Variants in UNC79 observed in about 807,000 individuals in gnomAD.
UNC79 encodes the protein unc-79 subunit of NALCN channel complex, also known as protein unc-79 homolog.
In UNC79, 37 loss-of-function variants were observed where a neutral mutation model predicts 283.1. The ratio of observed to expected loss-of-function variants is 0.13; its 90% CI spans 0.10 to 0.17. The LOEUF (loss-of-function observed/expected upper bound fraction) is 0.17, where lower values mean the gene tolerates loss of function less well. Ranked by LOEUF, UNC79 falls within the 10% of genes least tolerant of loss-of-function variation. The probability of loss-of-function intolerance (pLI) is 1.00; values close to 1 mark genes in which losing one functional copy is unlikely to be tolerated. For missense variants in UNC79, 2,272 were observed against 3,211.1 expected (o/e 0.71, Z 7.07); for synonymous variants, 1,107 against 1,200.2 (o/e 0.92, Z 1.61).
chr14:93,600,696 T>C, exon 25 of UNC79: 1 of 1,613,996 alleles, frequency 6.2e-7, no homozygotes, highest in Non-Finnish European at 8.5e-7. Flanking sequence ...GAGTTCTTTG[T>C]CAATAGATTT....
Position 93,690,524 on chromosome 14 carries a change from A to C in UNC79, c.7272+221A>C. 1 of 473,638 alleles carries C rather than the reference A, an allele frequency of 2.1e-6. No individual in the cohort carries two copies. The highest frequency in any genetic ancestry group is 3.6e-6 in the Non-Finnish European group (1 of 278,498). 29.3% of individuals were successfully genotyped at this position (473,638 alleles called of 1,614,324 possible). ...ATTGTTTTTCGGCTTACTTTTATAAAGATAAATCATGGAGTCAAGCAAGAG... is the reference window on the plus strand; with the variant it reads ...ATTGTTTTTCGGCTTACTTTTATAACGATAAATCATGGAGTCAAGCAAGAG... On this transcript the variant is annotated intron_variant, in intron 45 of 48. Coordinates refer to ENST00000555664, the Ensembl canonical transcript of UNC79. The surrounding 1 kb of genome is among the most constrained non-coding windows in gnomAD (Gnocchi z 4.3).
chr14:93,401,198 C>T lies in UNC79; in HGVS notation c.-350-66473C>T, dbSNP rs535366272. ...TAATCTTCAACATGTAAATTGTTGT[C>T]GAAGCACAGGAGTAGATAAAATTTC... On this transcript the variant is annotated intron_variant, in intron 1 of 49. Transcript: ENST00000256339. Among the ~76,000 whole-genome samples the T allele has an allele frequency of 5.4e-3, 819 of 151,946 alleles. 5 individuals carry two copies. The highest frequency in any genetic ancestry group is 0.017 in the African/African-American group (703 of 41,412).
At chr14:93,426,966 C>G, upstream of UNC79, among the ~76,000 whole-genome samples, 1 of 152,010 alleles carries the variant, frequency 6.6e-6, no homozygotes, top group East Asian at 1.9e-4. Flanking sequence ...TGTGGAGACT[C>G]TGTATTCTGT....
chr14:93,370,771 CAAAAAG>C (rs200737430), intron 1 of UNC79, among the ~76,000 whole-genome samples: 1,977 of 151,336 alleles, frequency 0.013, 56 homozygotes, highest in African/African-American at 0.046. Context: ...GACCCTGTCT[CAAAAAG>C]AAAAAGAAAA....
intron 11 of UNC79, among the ~76,000 whole-genome samples, chr14:93,537,317 G>A (rs1488732463): frequency 1.3e-5 from 2 of 152,166 alleles, no homozygotes; most frequent in Non-Finnish European, 2.9e-5. Context: ...CTTCATTTGC[G>A]GTTCCCTTCC....
intron 20 of UNC79, among the ~76,000 whole-genome samples, chr14:93,582,737 G>A (rs1465045948): frequency 1.3e-5 from 2 of 152,294 alleles, no homozygotes; most frequent in East Asian, 3.9e-4. Context: ...TGAGCTCGAA[G>A]GCTACTTTGC....
chr14:93,540,801 G>A, exon 13 of UNC79: 1 of 1,613,288 alleles, frequency 6.2e-7, no homozygotes, highest in South Asian at 1.1e-5. Flanking sequence ...ACGATCAGAG[G>A]CTGCTCAGTC....
chr14:93,561,508 A>C (rs60283171), intron 14 of UNC79, among the ~76,000 whole-genome samples: 10,898 of 152,134 alleles, frequency 0.072, 449 homozygotes, highest in Middle Eastern at 0.16. Context: ...AGACGGGGGC[A>C]GCTGTGTAGG....
At chr14:93,369,668 G>A (rs2054403690) in intron 1 of UNC79, among the ~76,000 whole-genome samples, 1 of 152,156 alleles carries the variant, frequency 6.6e-6, no homozygotes, top group Non-Finnish European at 1.5e-5. Flanking sequence ...CCTTCCTTTT[G>A]TGAGTTTTAC....
At chr14:93,387,009 C>G (rs2054791983) in intron 1 of UNC79, among the ~76,000 whole-genome samples, 1 of 117,466 alleles carries the variant, frequency 8.5e-6, no homozygotes, top group African/African-American at 3.3e-5. Flanking sequence ...ATGGCATGAT[C>G]TTGGTTCACT....
At chr14:93,599,955 A>T (rs1294875643) in intron 24 of UNC79, among the ~76,000 whole-genome samples, 1 of 151,838 alleles carries the variant, frequency 6.6e-6, no homozygotes, top group Non-Finnish European at 1.5e-5. Context: ...TAATCCCAGC[A>T]CTTTGGGAGG....
intron 35 of UNC79, among the ~76,000 whole-genome samples, chr14:93,653,312 T>C (rs1449031790): frequency 7.9e-6 from 1 of 126,730 alleles, no homozygotes; most frequent in Non-Finnish European, 1.7e-5. Flanking sequence ...AATGAACATC[T>C]CTCTCACTGC....
chr14:93,424,399 G>T (rs4905066), intron 1 of UNC79, among the ~76,000 whole-genome samples: 106,994 of 152,046 alleles, frequency 0.7, 38,109 homozygotes, highest in Middle Eastern at 0.78. Context: ...ATTGAAGAGA[G>T]ATCTGCACTC....
intron 14 of UNC79, among the ~76,000 whole-genome samples, chr14:93,560,520 G>T (rs1567114713): frequency 1.3e-5 from 2 of 152,126 alleles, no homozygotes; most frequent in Non-Finnish European, 2.9e-5. Flanking sequence ...AGGTTGAAAT[G>T]CCTGCCATTC....
intron 8 of UNC79, among the ~76,000 whole-genome samples, chr14:93,525,341 C>T (rs541408009): frequency 9.9e-5 from 15 of 151,980 alleles, no homozygotes; most frequent in African/African-American, 1.7e-4. Flanking sequence ...CCCAGCTACT[C>T]GGGAGGCTGA....
intron 45 of UNC79, chr14:93,691,314 A>C (rs2074682681): frequency 5.1e-6 from 1 of 195,102 alleles, no homozygotes; most frequent in Non-Finnish European, 1.1e-5. Context: ...TGCTGCTATG[A>C]TTATGAACTT....
chr14:93,492,774 G>T (rs969545257), intron 5 of UNC79, among the ~76,000 whole-genome samples: 6 of 152,212 alleles, frequency 3.9e-5, no homozygotes, highest in Non-Finnish European at 7.3e-5. Flanking sequence ...TCATATAGCA[G>T]ACCTGTGGAG....
rs117604019 is a variant in UNC79, at chr14:93,408,909, G to T, written c.-350-58762G>T. 2.1e-3 allele frequency among the ~76,000 whole-genome samples: 315 copies of T among 152,204 alleles called. 5 individuals are homozygous for T. In the East Asian group the frequency reaches 0.022, roughly 11 times the overall value. On this transcript the variant is annotated intron_variant, in intron 1 of 49. Coordinates refer to the UNC79 transcript ENST00000256339. ...AAAACTTTATCACTAAAAACTCTTA[G>T]CTAAATATGATAGAAGGAAACTTCC... is the stretch of plus-strand genomic sequence containing the variant.
Position 93,636,636 on chromosome 14 carries a change from G to A in UNC79, c.5717-580G>A, listed in dbSNP as rs183047247. 6.7e-4 allele frequency among the ~76,000 whole-genome samples: 102 copies of A among 152,228 alleles called. 1 individual carries two copies. Among genetic ancestry groups the A allele is most frequent in the Non-Finnish European group, 1.3e-3 (86 of 68,032 alleles). On this transcript the variant is annotated intron_variant, in intron 31 of 48. Transcript: ENST00000555664. Reference sequence around the variant, plus strand: ...GCCTCTTCTCCACCCATGCATATGAGACCTGCCTCTTCTCCACCCATGCAT... The same window carrying A: ...GCCTCTTCTCCACCCATGCATATGAAACCTGCCTCTTCTCCACCCATGCAT...
Sources: allele counts gnomAD v4.1 joint callset (sites outside exome capture counted in the v4.1 genomes callset), GRCh38; gene constraint gnomAD v4.1.1; non-coding constraint Gnocchi (gnomAD v3.1); transcripts MANE v1.5; gene names NCBI Gene and HGNC (gene_info 2026-07-23, HGNC 2026-07-21).